The following MACF1 variants were observed in gnomAD, a reference collection of about 807,000 sequenced individuals.
MACF1 encodes microtubule-actin cross-linking factor 1.
MACF1 carries 193 observed loss-of-function variants against 854.8 expected under a neutral mutation model. That is an observed-to-expected ratio of 0.23 (90% CI 0.20 to 0.25). The LOEUF (loss-of-function observed/expected upper bound fraction) is 0.25. Among genes scored for constraint, MACF1 ranks in the 10% least tolerant of loss-of-function variants. The pLI is 1.00. For missense variants in MACF1, 7,722 were observed against 8,929.1 expected, an observed-to-expected ratio of 0.86 and a Z score of 5.45; for synonymous variants, 3,185 against 3,226.7, an observed-to-expected ratio of 0.99 and a Z score of 0.44.
chr1:39,282,448 T>G, intron 7 of MACF1, 74 bp downstream of exon 7: 1 of 1,386,692 alleles, frequency 7.2e-7, no homozygotes, highest in African/African-American at 1.4e-5. Context: ...TATAATACTG[T>G]TTCCATCTCC....
At chr1:39,254,721 C>T (rs1645078977) in intron 5 of MACF1, 1 of 268,404 alleles carries the variant, frequency 3.7e-6, no homozygotes, top group East Asian at 9.0e-5. Context: ...GAGAGAGAAC[C>T]AGATTGCTAT....
At chr1:39,406,738 C>CAAAAAAAAAAAAAAAAAAAAA (rs5773658) in intron 58 of MACF1, among the ~76,000 whole-genome samples, 6 of 31,816 alleles carry the variant, frequency 1.9e-4, no homozygotes, top group African/African-American at 5.9e-4. Flanking sequence ...GAGTCTCACT[C>CAAAAAAAAAAAAAAAAAAAAA]AAAAAAAAAA....
intron 2 of MACF1, among the ~76,000 whole-genome samples, chr1:39,111,726 A>G (rs1056656333): frequency 6.6e-6 from 1 of 152,116 alleles, no homozygotes; most frequent in Non-Finnish European, 1.5e-5. Flanking sequence ...AATGTTTTCT[A>G]GGCTAGTCTC....
Position 39,143,250 on chromosome 1 carries a change from G to A in MACF1, c.220+58812G>A, listed in dbSNP as rs141506459. ...TGTACCCCTTGTCTGTGGGCTATAC[G>A]AAAAGATTTGGAAGCAAGTTGGGGC... On this transcript the variant is annotated intron_variant, in intron 2 of 93. Transcript: ENST00000361689. Among the ~76,000 whole-genome samples, 652 of 152,216 alleles carry A rather than the reference G, an allele frequency of 4.3e-3. 11 individuals are homozygous for A. In the Middle Eastern group the frequency reaches 0.068, roughly 16 times the overall value.
chr1:39,138,647 T>C (rs528995603), intron 2 of MACF1, among the ~76,000 whole-genome samples: 2 of 152,088 alleles, frequency 1.3e-5, no homozygotes, highest in Non-Finnish European at 2.9e-5. Context: ...AATAATGATA[T>C]TGAAAGGTTT....
intron 1 of MACF1, among the ~76,000 whole-genome samples, chr1:39,212,080 T>C (rs1344389929): frequency 1.3e-5 from 2 of 151,994 alleles, no homozygotes; most frequent in Admixed American, 1.3e-4. Context: ...TAGCTGTCAA[T>C]TCTCAGATAA....
intron 69 of MACF1, 98 bp downstream of exon 69, chr1:39,434,730 G>A (rs1211511425): frequency 3.1e-6 from 3 of 956,134 alleles, no homozygotes; most frequent in Admixed American, 2.8e-5. Flanking sequence ...CAAGTTCTGT[G>A]TTACGAAGTT....
chr1:39,403,482 T>C (rs929841785), intron 58 of MACF1, among the ~76,000 whole-genome samples: 3 of 152,218 alleles, frequency 2.0e-5, no homozygotes, highest in African/African-American at 4.8e-5. Flanking sequence ...TTTTTAGTAT[T>C]TCACATACAG....
At chr1:39,338,511 T>G (rs1646867345) in intron 38 of MACF1, among the ~76,000 whole-genome samples, 1 of 152,232 alleles carries the variant, frequency 6.6e-6, no homozygotes, top group Admixed American at 6.5e-5. Flanking sequence ...TATAATTGGT[T>G]TAAAGTCTGT....
chr1:39,263,771 CTTTTTTTTTTT>C (rs11453750), intron 6 of MACF1, among the ~76,000 whole-genome samples: 1 of 100,166 alleles, frequency 1.0e-5, no homozygotes, highest in Non-Finnish European at 1.8e-5. Context: ...TTTCTTTTTT[CTTTTTTTTTTT>C]TTTTTTTTTG....
At chr1:39,381,871 C>T in intron 55 of MACF1, 82 bp from the exon 56 acceptor site, 2 of 932,630 alleles carry the variant, frequency 2.1e-6, no homozygotes, top group Non-Finnish European at 3.5e-6. Flanking sequence ...TCATTTCCTG[C>T]AGTATATTAG....
intron 79 of MACF1, among the ~76,000 whole-genome samples, chr1:39,444,167 C>A (rs1402523464): frequency 6.6e-6 from 1 of 152,032 alleles, no homozygotes; most frequent in Non-Finnish European, 1.5e-5. Flanking sequence ...AACCTCGTCT[C>A]TACTAAAAAT....
At chr1:39,106,206 G>T (rs1321438548) in intron 2 of MACF1, among the ~76,000 whole-genome samples, 1 of 152,150 alleles carries the variant, frequency 6.6e-6, no homozygotes, top group Non-Finnish European at 1.5e-5. Context: ...AAGCACCTTG[G>T]TGTCTTCGGG....
intron 2 of MACF1, among the ~76,000 whole-genome samples, chr1:39,127,992 C>A (rs1194354277): frequency 6.6e-6 from 1 of 152,082 alleles, no homozygotes; most frequent in African/African-American, 2.4e-5. Flanking sequence ...AGTAAAAATT[C>A]TCTTTTCTAG....
chr1:39,390,355 C>T (rs1023947402), intron 58 of MACF1, among the ~76,000 whole-genome samples: 3 of 152,192 alleles, frequency 2.0e-5, no homozygotes, highest in Non-Finnish European at 2.9e-5. Flanking sequence ...GTCCTAGAGA[C>T]GTCACAGTTT....
At chr1:39,416,442 C>T (rs1156487371) in intron 58 of MACF1, among the ~76,000 whole-genome samples, 3 of 148,760 alleles carry the variant, frequency 2.0e-5, no homozygotes, top group African/African-American at 7.5e-5. Flanking sequence ...GCCAGGAGTT[C>T]GAGAACAGCC....
At chr1:39,235,617 G>A (rs912939151) in intron 2 of MACF1, among the ~76,000 whole-genome samples, 8 of 152,094 alleles carry the variant, frequency 5.3e-5, no homozygotes, top group African/African-American at 9.7e-5. Context: ...TCTCCATATC[G>A]CTGCTTTTGT....
chr1:39,232,089 GATA>G (rs1403831927), intron 2 of MACF1, among the ~76,000 whole-genome samples: 2 of 147,132 alleles, frequency 1.4e-5, no homozygotes, highest in Non-Finnish European at 3.0e-5. Context: ...CTCACCTAAA[GATA>G]ATAATAATAA....
intron 2 of MACF1, among the ~76,000 whole-genome samples, chr1:39,195,547 T>TTAA (rs1278783410): frequency 6.6e-6 from 1 of 152,138 alleles, no homozygotes; most frequent in Non-Finnish European, 1.5e-5. Flanking sequence ...GAGAAACAGA[T>TTAA]AAAGTATAAT....
Sources: gnomAD v4.1 joint callset for allele counts (sites outside exome capture counted in the v4.1 genomes callset) on GRCh38, gnomAD v4.1.1 for gene constraint, MANE v1.5 for transcripts, NCBI Gene and HGNC (gene_info 2026-07-23, HGNC 2026-07-21) for gene names.